EYS: variants seen among roughly 807,000 people sequenced by gnomAD.
The protein encoded by EYS is protein eyes shut homolog.
Under a neutral mutation model 282.1 loss-of-function variants are expected in EYS, and 250 were observed. The ratio of observed to expected loss-of-function variants is 0.89; its 90% CI spans 0.80 to 0.98. The LOEUF is 0.98. Among genes scored for constraint, EYS ranks in the 50% least tolerant of loss-of-function variants. EYS has a pLI of 0.00. For missense variants in EYS, 4,016 were observed against 3,709.0 expected, an observed-to-expected ratio of 1.08 and a Z score of -2.15; for synonymous variants, 1,355 against 1,282.9, an observed-to-expected ratio of 1.06 and a Z score of -1.20.
intron 31 of EYS, among the ~76,000 whole-genome samples, chr6:64,174,128 AT>A (rs1246820129): frequency 2.0e-5 from 3 of 152,098 alleles, no homozygotes; most frequent in Non-Finnish European, 4.4e-5. Context: ...AAATCTATCT[AT>A]TTTTATTTAT....
At chr6:65,030,633 A>C (rs1322526407) in intron 13 of EYS, among the ~76,000 whole-genome samples, 1 of 152,150 alleles carries the variant, frequency 6.6e-6, no homozygotes, top group East Asian at 1.9e-4. Context: ...TATTGTTGCC[A>C]GTGGACAGGG....
intron 7 of EYS, among the ~76,000 whole-genome samples, chr6:65,390,695 G>A (rs1369570257): frequency 1.3e-5 from 2 of 151,834 alleles, no homozygotes; most frequent in African/African-American, 4.8e-5. Flanking sequence ...ACCAGCCTGG[G>A]CAACATAGTA....
intron 35 of EYS, among the ~76,000 whole-genome samples, chr6:63,934,704 A>T (rs1409349451): frequency 1.4e-5 from 2 of 145,014 alleles, no homozygotes; most frequent in African/African-American, 5.0e-5. Flanking sequence ...AACAATGAGA[A>T]CACATGGACA....
intron 5 of EYS, among the ~76,000 whole-genome samples, chr6:65,467,758 G>A (rs930270638): frequency 1.8e-4 from 28 of 151,926 alleles, no homozygotes; most frequent in East Asian, 7.7e-4. Context: ...GCAAATGTAG[G>A]TTAACACTAG....
chr6:64,533,264 T>C (rs1190251621), intron 26 of EYS, among the ~76,000 whole-genome samples: 1 of 151,882 alleles, frequency 6.6e-6, no homozygotes, highest in African/African-American at 2.4e-5. Flanking sequence ...GATGGAGAAG[T>C]AAAAAAGAGT....
chr6:64,383,837 A>AT (rs1241627565), intron 29 of EYS, among the ~76,000 whole-genome samples: 1 of 152,092 alleles, frequency 6.6e-6, no homozygotes, highest in African/African-American at 2.4e-5. Flanking sequence ...TTTTCTAATT[A>AT]TTTTGTGTCC....
At chr6:64,119,310 A>G (rs530538540) in intron 31 of EYS, among the ~76,000 whole-genome samples, 1 of 152,294 alleles carries the variant, frequency 6.6e-6, no homozygotes, top group African/African-American at 2.4e-5. Context: ...AGAAAACTTT[A>G]TCAACACATT....
intron 12 of EYS, among the ~76,000 whole-genome samples, chr6:65,137,318 C>G (rs912487017): frequency 6.6e-6 from 1 of 151,996 alleles, no homozygotes; most frequent in Non-Finnish European, 1.5e-5. Flanking sequence ...GCGGAAAGAC[C>G]ATTCCAATCA....
At chr6:64,629,583 A>G (rs1404014411) in intron 22 of EYS, among the ~76,000 whole-genome samples, 1 of 152,128 alleles carries the variant, frequency 6.6e-6, no homozygotes, top group African/African-American at 2.4e-5. Flanking sequence ...CAGAGATATT[A>G]TAAATATTTT....
intron 12 of EYS, among the ~76,000 whole-genome samples, chr6:65,171,780 T>A (rs1765111113): frequency 6.6e-6 from 1 of 151,580 alleles, no homozygotes; most frequent in Non-Finnish European, 1.5e-5. Context: ...AACTATTTTT[T>A]AAAATGTTTC....
chr6:64,912,530 T>C lies in EYS; in HGVS notation c.2595A>G (p.Thr865=), dbSNP rs1309017000. 9.7e-6 allele frequency: 15 copies of C among 1,551,186 alleles called. No homozygotes were observed. Among genetic ancestry groups the C allele is most frequent in the Middle Eastern group, 1.7e-4 (1 of 6,010 alleles). The part of the protein sequence containing the change: ...LLHNPCRNNS[T]CLALVDANQH... ...GATTTGCGTCTACCAAAGCTAAGCA[T>C]GTTGAGTTGTTTCTGCAAGGGTTAT... Residue 865 remains threonine (T), a synonymous_variant, in exon 16 of 43, where the codon ACA becomes ACG. Coordinates refer to ENST00000503581, the MANE Select transcript of EYS (RefSeq NM_001142800.2).
intron 14 of EYS, among the ~76,000 whole-genome samples, chr6:64,971,690 T>C (rs2349998): frequency 0.35 from 53,801 of 151,984 alleles, 10,778 homozygotes; most frequent in African/African-American, 0.55. Context: ...CTCTATTTGT[T>C]CTTAAGCACA....
chr6:65,358,096 A>C (rs1502956), intron 8 of EYS, among the ~76,000 whole-genome samples: 102,209 of 151,664 alleles, frequency 0.67, 34,540 homozygotes, highest in South Asian at 0.71. Context: ...TATTTAGAAC[A>C]AAAGAGATTA....
chr6:64,162,841 GTAT>G (rs1438135647), intron 31 of EYS, among the ~76,000 whole-genome samples: 3 of 152,050 alleles, frequency 2.0e-5, no homozygotes, highest in African/African-American at 7.2e-5. Context: ...TGAATTGTTT[GTAT>G]TATTCATTTT....
intron 35 of EYS, among the ~76,000 whole-genome samples, chr6:63,872,328 G>A (rs1348024114): frequency 2.6e-5 from 4 of 151,876 alleles, no homozygotes; most frequent in African/African-American, 9.7e-5. Context: ...GTGTGTGTGT[G>A]CACAAGTGTG....
At chr6:64,724,297 T>G (rs1323234202) in intron 22 of EYS, among the ~76,000 whole-genome samples, 1 of 152,226 alleles carries the variant, frequency 6.6e-6, no homozygotes, top group Admixed American at 6.5e-5. Context: ...ATGTGCAGTT[T>G]TGACAGTTTC....
chr6:63,871,423 G>A (rs531980577), intron 35 of EYS, among the ~76,000 whole-genome samples: 1 of 152,152 alleles, frequency 6.6e-6, no homozygotes, highest in Admixed American at 6.5e-5. Context: ...CATTTTGGGA[G>A]GCTGAGGTGG....
chr6:64,604,881 T>A (rs1308148686), intron 24 of EYS, among the ~76,000 whole-genome samples: 1 of 151,978 alleles, frequency 6.6e-6, no homozygotes, highest in Admixed American at 6.6e-5. Flanking sequence ...CAACAAATAT[T>A]GCTGCAGAAA....
intron 5 of EYS, among the ~76,000 whole-genome samples, chr6:65,412,138 CA>C (rs1175042971): frequency 1.3e-5 from 2 of 152,230 alleles, no homozygotes; most frequent in South Asian, 2.1e-4. Context: ...AACAAAAAGA[CA>C]GCCATTGACA....
Sources: gnomAD v4.1 joint callset for allele counts (sites outside exome capture counted in the v4.1 genomes callset) on GRCh38, gnomAD v4.1.1 for gene constraint, MANE v1.5 for transcripts, NCBI Gene and HGNC (gene_info 2026-07-23, HGNC 2026-07-21) for gene names.